Variants in NTM observed in about 807,000 individuals in gnomAD.
NTM encodes the protein neurotrimin, also known as IgLON family member 2.
A neutral mutation model predicts 42.1 loss-of-function variants in NTM; 13 were observed. The ratio of observed to expected loss-of-function variants is 0.31; its 90% confidence interval spans 0.20 to 0.49. The LOEUF is 0.49. Ranked by LOEUF, NTM falls within the 20% of genes least tolerant of loss-of-function variation. NTM has a pLI of 0.99. For missense variants in NTM, 373 were observed against 452.8 expected (o/e 0.82, Z 1.60); for synonymous variants, 187 against 179.2 (o/e 1.04, Z -0.35).
At chr11:131,754,125 C>T (rs1390721972) in intron 1 of NTM, among the ~76,000 whole-genome samples, 1 of 88,206 alleles carries the variant, frequency 1.1e-5, no homozygotes, top group Non-Finnish European at 2.1e-5. Context: ...CACACCGGGG[C>T]CTGTTGTGGG....
chr11:132,278,774 T>G (rs2093842394), intron 4 of NTM, among the ~76,000 whole-genome samples: 1 of 151,548 alleles, frequency 6.6e-6, no homozygotes, highest in Non-Finnish European at 1.5e-5. Flanking sequence ...TCTCTCTCTC[T>G]CTCTCTCTCT....
intron 2 of NTM, among the ~76,000 whole-genome samples, chr11:132,095,715 T>C (rs953452982): frequency 6.6e-6 from 1 of 152,226 alleles, no homozygotes; most frequent in Admixed American, 6.5e-5. Flanking sequence ...TTATGTGTGC[T>C]ACTTCCAGAC....
At chr11:132,155,970 G>A (rs2073099224) in intron 3 of NTM, among the ~76,000 whole-genome samples, 1 of 152,140 alleles carries the variant, frequency 6.6e-6, no homozygotes, top group Admixed American at 6.5e-5. Context: ...AAGCTTGGGA[G>A]CCAGGCTTTG....
In NTM at chr11:131,565,141, CCA is replaced by C. The variant is rs200522567; in HGVS notation, c.82+194254_82+194255del. Among the ~76,000 whole-genome samples, 593 of 152,316 alleles carry C rather than the reference CCA, an allele frequency of 3.9e-3. 4 individuals are homozygous for C. Among genetic ancestry groups the C allele is most frequent in the African/African-American group, 0.014 (566 of 41,578 alleles). On this transcript the variant is annotated intron_variant, in intron 1 of 8. Transcript: ENST00000683400. ...CGCGCATGTTGGTGGTCTGCTCACC[CCA>C]ACACTGTCCCCTGTGAACACAGGGA...
chr11:131,505,827 A>G (rs1286096570), intron 1 of NTM, among the ~76,000 whole-genome samples: 1 of 152,218 alleles, frequency 6.6e-6, no homozygotes, highest in African/African-American at 2.4e-5. Context: ...CAGCAGGAAC[A>G]TGAGAATGCA....
chr11:132,120,727 A>G (rs1358675635), intron 2 of NTM, among the ~76,000 whole-genome samples: 1 of 152,200 alleles, frequency 6.6e-6, no homozygotes, highest in Non-Finnish European at 1.5e-5. Flanking sequence ...AGGAGTCCCC[A>G]GAGAGAGATA....
intron 4 of NTM, among the ~76,000 whole-genome samples, chr11:132,235,545 A>G (rs948885496): frequency 3.3e-5 from 5 of 152,150 alleles, no homozygotes; most frequent in Non-Finnish European, 7.4e-5. Flanking sequence ...TTTCTTTCCT[A>G]CTTTTCTTTT....
At chr11:131,749,967 G>C (rs192943589) in intron 1 of NTM, among the ~76,000 whole-genome samples, 59 of 152,110 alleles carry the variant, frequency 3.9e-4, no homozygotes, top group Non-Finnish European at 1.6e-4. Context: ...TGTGTTTCTC[G>C]CATTGGGCAG....
At chr11:131,893,948 G>A (rs2051802594) in intron 1 of NTM, among the ~76,000 whole-genome samples, 1 of 152,206 alleles carries the variant, frequency 6.6e-6, no homozygotes, top group African/African-American at 2.4e-5. Context: ...GGAATATCTA[G>A]TCCTTCTACT....
chr11:131,387,244 G>T (rs1943430586), intron 1 of NTM, among the ~76,000 whole-genome samples: 2 of 152,022 alleles, frequency 1.3e-5, no homozygotes, highest in African/African-American at 4.8e-5. Flanking sequence ...GACAGCACAG[G>T]TACTCGTGAC....
intron 4 of NTM, among the ~76,000 whole-genome samples, chr11:132,265,006 T>C (rs2093095179): frequency 6.6e-6 from 1 of 152,152 alleles, no homozygotes; most frequent in African/African-American, 2.4e-5. Flanking sequence ...ACATATGAAT[T>C]TGGGGATGAA....
intron 1 of NTM, among the ~76,000 whole-genome samples, chr11:131,709,947 G>T (rs1223670897): frequency 6.6e-6 from 1 of 152,144 alleles, no homozygotes; most frequent in Admixed American, 6.5e-5. Context: ...GGAAGCTGAA[G>T]GAAGAGAGTG....
chr11:132,305,618 G>T (rs969314310), intron 4 of NTM, among the ~76,000 whole-genome samples: 5 of 152,176 alleles, frequency 3.3e-5, no homozygotes, highest in Non-Finnish European at 4.4e-5. Flanking sequence ...TAGCATTCTG[G>T]CAGGGGAAGA....
At chr11:132,236,864 G>T (rs566730558) in intron 4 of NTM, among the ~76,000 whole-genome samples, 1 of 152,304 alleles carries the variant, frequency 6.6e-6, no homozygotes, top group African/African-American at 2.4e-5. Context: ...TGATGTCGAA[G>T]GCCAGGTTAC....
intron 2 of NTM, among the ~76,000 whole-genome samples, chr11:131,989,107 G>A (rs977052184): frequency 6.6e-5 from 10 of 152,136 alleles, no homozygotes; most frequent in East Asian, 3.9e-4. Flanking sequence ...GAGATACATC[G>A]TTAAATATGC....
intron 3 of NTM, among the ~76,000 whole-genome samples, chr11:132,179,567 A>G (rs532308671): frequency 9.2e-5 from 14 of 152,276 alleles, no homozygotes; most frequent in African/African-American, 3.4e-4. Flanking sequence ...TGTGAAATGA[A>G]AGAGAGTACT....
intron 1 of NTM, among the ~76,000 whole-genome samples, chr11:131,653,756 G>A (rs1472298444): frequency 3.3e-5 from 5 of 152,218 alleles, no homozygotes; most frequent in Non-Finnish European, 1.5e-5. Flanking sequence ...CCCCTCAGAG[G>A]GCTCCCCCCG....
intron 1 of NTM, among the ~76,000 whole-genome samples, chr11:131,840,413 A>C (rs910523521): frequency 2.6e-5 from 4 of 152,282 alleles, no homozygotes; most frequent in Middle Eastern, 3.4e-3. Flanking sequence ...TGATCGATCA[A>C]CTGTGTCACA....
At chr11:132,208,236 T>A (rs3133869) in intron 3 of NTM, among the ~76,000 whole-genome samples, 72,370 of 152,072 alleles carry the variant, frequency 0.48, 17,763 homozygotes, top group Middle Eastern at 0.57. Flanking sequence ...CCTAATCAAT[T>A]CAAGTAGTCT....
Sources: allele counts gnomAD v4.1 joint callset (sites outside exome capture counted in the v4.1 genomes callset), GRCh38; gene constraint gnomAD v4.1.1; transcripts MANE v1.5; gene names NCBI Gene and HGNC (gene_info 2026-07-23, HGNC 2026-07-21).